Variants in CCSER2 observed in about 807,000 individuals in gnomAD.
CCSER2 encodes serine-rich coiled-coil domain-containing protein 2.
A neutral mutation model predicts 92.3 loss-of-function variants in CCSER2; 46 were observed. The ratio of observed to expected loss-of-function variants is 0.50; its 90% CI spans 0.39 to 0.64. CCSER2 has a LOEUF of 0.64. CCSER2 is among the 30% of genes least tolerant of loss of function. The probability of loss-of-function intolerance (pLI) is 0.00; values close to 1 mark genes in which losing one functional copy is unlikely to be tolerated. For missense variants in CCSER2, 1,244 were observed against 1,238.9 expected (o/e 1.00, Z -0.06); for synonymous variants, 433 against 431.4 (o/e 1.00, Z -0.04).
At chr10:84,347,706 GGCT>G (rs1329407611) in intron 1 of CCSER2, among the ~76,000 whole-genome samples, 11 of 151,698 alleles carry the variant, frequency 7.3e-5, no homozygotes, top group Non-Finnish European at 1.3e-4. Context: ...CAGACGGGGC[GGCT>G]GCTGGGCGGA....
chr10:84,444,131 A>AAAGTATAAT (rs1231225964), intron 6 of CCSER2, among the ~76,000 whole-genome samples: 2 of 152,216 alleles, frequency 1.3e-5, no homozygotes, highest in East Asian at 1.9e-4. Flanking sequence ...CCCAGAAGTT[A>AAAGTATAAT]AAGTATAATA....
chr10:84,394,784 C>T (rs1024748092), intron 3 of CCSER2, among the ~76,000 whole-genome samples: 1 of 151,972 alleles, frequency 6.6e-6, no homozygotes, highest in African/African-American at 2.4e-5. Flanking sequence ...TTCATACACC[C>T]CACCTATGTA....
chr10:84,461,135 T>G (rs1846078118), intron 6 of CCSER2, among the ~76,000 whole-genome samples: 1 of 152,182 alleles, frequency 6.6e-6, no homozygotes, highest in Non-Finnish European at 1.5e-5. Context: ...GTTATTTTCC[T>G]TCAATTCACA....
At chr10:84,330,126 T>C (rs935534045) in intron 1 of CCSER2, among the ~76,000 whole-genome samples, 6 of 152,214 alleles carry the variant, frequency 3.9e-5, no homozygotes, top group African/African-American at 1.4e-4. Context: ...CTTTGACTAT[T>C]TTGGAGGAAG....
chr10:84,404,146 A>G (rs1191514562), intron 3 of CCSER2, among the ~76,000 whole-genome samples: 1 of 152,214 alleles, frequency 6.6e-6, no homozygotes, highest in Non-Finnish European at 1.5e-5. Flanking sequence ...CCTGTGGCAC[A>G]CAAGGAGCCA....
At chr10:84,474,934 A>C (rs1482431341) in intron 8 of CCSER2, among the ~76,000 whole-genome samples, 1 of 152,192 alleles carries the variant, frequency 6.6e-6, no homozygotes, top group Non-Finnish European at 1.5e-5. Flanking sequence ...CATCCATTTC[A>C]GTGGTTTCTT....
intron 9 of CCSER2, among the ~76,000 whole-genome samples, chr10:84,505,571 T>C (rs979772360): frequency 2.0e-5 from 3 of 152,230 alleles, no homozygotes; most frequent in Non-Finnish European, 4.4e-5. Flanking sequence ...TATTTTTGAA[T>C]GAAATGCAAA....
At chr10:84,470,570 C>T in intron 8 of CCSER2, 112 bp downstream of exon 8, 3 of 857,926 alleles carry the variant, frequency 3.5e-6, no homozygotes, top group Non-Finnish European at 4.8e-6. Flanking sequence ...CTCAAAGTTG[C>T]ACTTTTATAT....
At chr10:84,503,807 T>C (rs1191058272) in intron 9 of CCSER2, among the ~76,000 whole-genome samples, 1 of 152,216 alleles carries the variant, frequency 6.6e-6, no homozygotes, top group Non-Finnish European at 1.5e-5. Flanking sequence ...AAAAATTACA[T>C]AAATGCATCT....
At chr10:84,446,787 C>T (rs1450390034) in intron 6 of CCSER2, among the ~76,000 whole-genome samples, 1 of 152,064 alleles carries the variant, frequency 6.6e-6, no homozygotes, top group Admixed American at 6.5e-5. Context: ...TTTTTCCTCT[C>T]ATTTTTACCA....
chr10:84,400,913 C>CTAAA (rs1230344464), intron 3 of CCSER2, among the ~76,000 whole-genome samples: 1 of 151,804 alleles, frequency 6.6e-6, no homozygotes, highest in Admixed American at 6.6e-5. Flanking sequence ...AACTCCATCT[C>CTAAA]TAAATAAATA....
At position 84,372,202 on chromosome 10, in the gene CCSER2, G is replaced by A. The variant is rs774665507; in HGVS notation, c.1150G>A (p.Asp384Asn). 4.3e-6 allele frequency: 7 copies of A among 1,613,532 alleles called. No homozygotes were observed. Among genetic ancestry groups the A allele is most frequent in the Non-Finnish European group, 5.9e-6 (7 of 1,179,778 alleles). The change falls in exon 2 of 10, where the codon GAT (aspartate) becomes AAT (asparagine). Residue 384 changes from aspartate (D) to asparagine (N), a missense_variant. Transcript: ENST00000372088. ...AAAAAACAACCAGACCATGAAACAT[G>A]ATGCTAAAATGAGATACCTGAGTGA... is the stretch of plus-strand genomic sequence containing the variant. ...RTKNNQTMKH[D>N]AKMRYLSDDV... is the part of the protein sequence containing the mutation.
At chr10:84,376,228 A>ATTTATTT (rs1846331002) in intron 3 of CCSER2, among the ~76,000 whole-genome samples, 1 of 152,154 alleles carries the variant, frequency 6.6e-6, no homozygotes, top group Non-Finnish European at 1.5e-5. Flanking sequence ...ACATGCTACC[A>ATTTATTT]GTATTATGCA....
intron 3 of CCSER2, among the ~76,000 whole-genome samples, chr10:84,400,687 G>A (rs1310412284): frequency 6.6e-6 from 1 of 152,176 alleles, no homozygotes; most frequent in Non-Finnish European, 1.5e-5. Context: ...GCTGAGGCGG[G>A]TGGATCACCT....
chr10:84,487,572 A>AT (rs1340570030), intron 9 of CCSER2, among the ~76,000 whole-genome samples: 1 of 152,108 alleles, frequency 6.6e-6, no homozygotes, highest in East Asian at 1.9e-4. Context: ...AATGCTTGTG[A>AT]TTTTTGCACA....
intron 1 of CCSER2, among the ~76,000 whole-genome samples, chr10:84,329,449 T>A (rs979834311): frequency 1.3e-4 from 20 of 152,216 alleles, no homozygotes; most frequent in Admixed American, 1.1e-3. Context: ...CCCCGACCAA[T>A]GAGGCTGGCT....
intron 1 of CCSER2, among the ~76,000 whole-genome samples, chr10:84,342,149 G>C (rs1369440194): frequency 6.6e-6 from 1 of 152,090 alleles, no homozygotes; most frequent in Non-Finnish European, 1.5e-5. Flanking sequence ...CTTCCATCCT[G>C]AGGTTAACTA....
chr10:84,395,753 GA>G (rs983975636), intron 3 of CCSER2, among the ~76,000 whole-genome samples: 1 of 152,150 alleles, frequency 6.6e-6, no homozygotes, highest in African/African-American at 2.4e-5. Flanking sequence ...CAACCATTGG[GA>G]AACCCAGATT....
chr10:84,482,056 A>G (rs1482507053), intron 9 of CCSER2, among the ~76,000 whole-genome samples: 1 of 152,198 alleles, frequency 6.6e-6, no homozygotes. Flanking sequence ...ACCTAATGAT[A>G]TCTACTTACA....
Sources: allele counts gnomAD v4.1 joint callset (sites outside exome capture counted in the v4.1 genomes callset), GRCh38; gene constraint gnomAD v4.1.1; transcripts MANE v1.5; gene names NCBI Gene and HGNC (gene_info 2026-07-23, HGNC 2026-07-21).